Variants in CCDC102B observed in about 807,000 individuals in gnomAD.
CCDC102B encodes coiled-coil domain-containing protein 102B.
Under a neutral mutation model 57.4 loss-of-function variants are expected in CCDC102B, and 75 were observed. That is an observed-to-expected ratio of 1.31 (90% CI 1.08 to 1.58). The LOEUF (loss-of-function observed/expected upper bound fraction) is 1.58. Among genes scored for constraint, CCDC102B ranks in the 40% most tolerant of loss-of-function variants. The pLI, the probability that CCDC102B is intolerant of heterozygous loss-of-function variation, is 0.00. For missense variants in CCDC102B, 636 were observed against 582.6 expected, an observed-to-expected ratio of 1.09 and a Z score of -0.94; for synonymous variants, 206 against 201.9, an observed-to-expected ratio of 1.02 and a Z score of -0.17.
chr18:69,054,046 A>G lies in CCDC102B; in HGVS notation c.1451A>G (p.Asn484Ser). 3.7e-6 allele frequency: 6 copies of G among 1,605,822 alleles called. No individual in the cohort carries two copies. Among genetic ancestry groups the G allele is most frequent in the Non-Finnish European group, 5.1e-6 (6 of 1,177,672 alleles). ...CGCTTTCAGCTTGATGATTCCCTGA[A>G]TCAGATCCGTAAGCTCCAGAGGTCT... The part of the protein sequence containing the change: ...QKEDELDDSL[N>S]QIRKLQRSLD... The change falls in exon 8 of 8, where the codon AAT (asparagine) becomes AGT (serine). Residue 484 changes from asparagine (N) to serine (S), a missense_variant. Transcript: ENST00000360242.
intron 2 of CCDC102B, among the ~76,000 whole-genome samples, chr18:68,777,446 A>G (rs934969881): frequency 2.6e-5 from 4 of 152,186 alleles, no homozygotes; most frequent in African/African-American, 9.6e-5. Flanking sequence ...ATACCTTCAC[A>G]ATGAAAGTTG....
At chr18:68,934,979 G>T (rs964846164) in intron 6 of CCDC102B, among the ~76,000 whole-genome samples, 1 of 151,888 alleles carries the variant, frequency 6.6e-6, no homozygotes, top group Non-Finnish European at 1.5e-5. Flanking sequence ...GGTAGGTGGC[G>T]GTGAGTCCTA....
intron 6 of CCDC102B, among the ~76,000 whole-genome samples, chr18:68,950,025 T>C (rs4464180): frequency 0.26 from 38,968 of 152,022 alleles, 6,332 homozygotes; most frequent in East Asian, 0.57. Flanking sequence ...TATCAATTCA[T>C]ATTTACATGA....
chr18:68,771,185 A>C (rs565869806), intron 2 of CCDC102B, among the ~76,000 whole-genome samples: 111 of 152,328 alleles, frequency 7.3e-4, no homozygotes, highest in African/African-American at 2.4e-3. Flanking sequence ...GTGTTTAGGT[A>C]AATGGTCCTG....
At chr18:68,783,416 A>G (rs1008125863) in intron 2 of CCDC102B, among the ~76,000 whole-genome samples, 2 of 152,102 alleles carry the variant, frequency 1.3e-5, no homozygotes, top group African/African-American at 4.8e-5. Flanking sequence ...CTTCATTCAA[A>G]TGTCACTTCT....
chr18:68,954,705 T>G (rs995304883), intron 6 of CCDC102B, among the ~76,000 whole-genome samples: 2 of 152,216 alleles, frequency 1.3e-5, no homozygotes, highest in Non-Finnish European at 2.9e-5. Context: ...AGAATGGACT[T>G]TTAGAATTAT....
chr18:68,983,913 C>T (rs1251411481), intron 6 of CCDC102B, among the ~76,000 whole-genome samples: 7 of 151,780 alleles, frequency 4.6e-5, no homozygotes, highest in Non-Finnish European at 8.8e-5. Context: ...GAGAATAATA[C>T]AAAAAATATC....
intron 7 of CCDC102B, among the ~76,000 whole-genome samples, chr18:69,044,051 A>T (rs1341474447): frequency 6.6e-6 from 1 of 152,176 alleles, no homozygotes; most frequent in Non-Finnish European, 1.5e-5. Context: ...TTTAAAAAGA[A>T]CAAACAAAAC....
chr18:68,837,514 C>A, intron 2 of CCDC102B, 145 bp downstream of exon 2: 1 of 773,132 alleles, frequency 1.3e-6, no homozygotes, highest in Non-Finnish European at 2.1e-6. Context: ...GTGGTTTAAG[C>A]AACAGAAATT....
intron 7 of CCDC102B, among the ~76,000 whole-genome samples, chr18:69,016,085 G>A (rs964678938): frequency 6.8e-6 from 1 of 147,218 alleles, no homozygotes; most frequent in Non-Finnish European, 1.5e-5. Flanking sequence ...GGATGGTCTC[G>A]ATCTCCTGAC....
At chr18:68,790,465 T>G (rs915311392) in intron 2 of CCDC102B, among the ~76,000 whole-genome samples, 97 of 152,112 alleles carry the variant, frequency 6.4e-4, no homozygotes, top group Non-Finnish European at 8.7e-4. Context: ...CAGACTGCTG[T>G]GCTAGCAATC....
chr18:68,909,933 C>G (rs897610196), intron 6 of CCDC102B, among the ~76,000 whole-genome samples: 4 of 152,118 alleles, frequency 2.6e-5, no homozygotes, highest in African/African-American at 9.6e-5. Context: ...TACAGAAATG[C>G]AAGATAAAAA....
At chr18:68,715,307 A>T (rs770707104) in exon 1 of CCDC102B, 2 of 1,175,252 alleles carry the variant, frequency 1.7e-6, no homozygotes, top group African/African-American at 1.6e-5. Flanking sequence ...GTGCTGGTTC[A>T]CTGGGGCGCG....
intron 6 of CCDC102B, among the ~76,000 whole-genome samples, chr18:68,912,824 A>T (rs1439277808): frequency 6.6e-6 from 1 of 152,242 alleles, no homozygotes; most frequent in Non-Finnish European, 1.5e-5. Flanking sequence ...GTTTGGAATA[A>T]ATAGTTGAGA....
At chr18:68,928,592 G>A (rs900262262) in intron 6 of CCDC102B, among the ~76,000 whole-genome samples, 1 of 151,846 alleles carries the variant, frequency 6.6e-6, no homozygotes. Flanking sequence ...AGCTTGGTGA[G>A]AGCTTGTCAG....
intron 4 of CCDC102B, among the ~76,000 whole-genome samples, chr18:68,857,602 T>G (rs1275599874): frequency 6.6e-6 from 1 of 151,040 alleles, no homozygotes; most frequent in Non-Finnish European, 1.5e-5. Context: ...TATGTATGAA[T>G]AGCTATATAG....
intron 6 of CCDC102B, among the ~76,000 whole-genome samples, chr18:68,989,533 G>A (rs760053323): frequency 2.5e-4 from 38 of 152,184 alleles, no homozygotes; most frequent in Non-Finnish European, 4.9e-4. Flanking sequence ...ATTACTGGAT[G>A]TTAACAATGG....
At chr18:68,743,269 GT>G (rs2033477144) in intron 2 of CCDC102B, among the ~76,000 whole-genome samples, 1 of 151,834 alleles carries the variant, frequency 6.6e-6, no homozygotes, top group African/African-American at 2.4e-5. Flanking sequence ...TTAGACAGGT[GT>G]GGGGGCACAT....
chr18:68,816,470 T>C (rs2036480616), intron 1 of CCDC102B, among the ~76,000 whole-genome samples: 1 of 127,718 alleles, frequency 7.8e-6, no homozygotes, highest in Non-Finnish European at 1.6e-5. Context: ...TTTTTTTTTT[T>C]TTTTTTTTTT....
Sources: gnomAD v4.1 joint callset for allele counts (sites outside exome capture counted in the v4.1 genomes callset) on GRCh38, gnomAD v4.1.1 for gene constraint, MANE v1.5 for transcripts, NCBI Gene and HGNC (gene_info 2026-07-23, HGNC 2026-07-21) for gene names.